Variants in UNC79 observed in about 807,000 individuals in gnomAD.
The protein encoded by UNC79 is protein unc-79 homolog.
UNC79 carries 37 observed loss-of-function variants against 283.1 expected under a neutral mutation model. The observed-to-expected ratio is 0.13, with a 90% CI of 0.10 to 0.17. The LOEUF is 0.17. UNC79 is among the 10% of genes least tolerant of loss of function. The probability of loss-of-function intolerance (pLI) is 1.00; values close to 1 mark genes in which losing one functional copy is unlikely to be tolerated. For missense variants in UNC79, 2,272 were observed against 3,211.1 expected (o/e 0.71, Z 7.07); for synonymous variants, 1,107 against 1,200.2 (o/e 0.92, Z 1.61).
At chr14:93,604,174 A>G (rs1177132763) in intron 26 of UNC79, among the ~76,000 whole-genome samples, 1 of 152,186 alleles carries the variant, frequency 6.6e-6, no homozygotes, top group African/African-American at 2.4e-5. Flanking sequence ...GTTTAAATAT[A>G]TTACTAACTT....
intron 20 of UNC79, among the ~76,000 whole-genome samples, chr14:93,585,515 A>G (rs1019361204): frequency 1.3e-5 from 2 of 152,244 alleles, no homozygotes; most frequent in African/African-American, 4.8e-5. Context: ...TATGACAAGC[A>G]TTTAAAATAC....
intron 1 of UNC79, among the ~76,000 whole-genome samples, chr14:93,456,374 C>T (rs916865907): frequency 6.6e-6 from 1 of 151,854 alleles, no homozygotes; most frequent in Non-Finnish European, 1.5e-5. Flanking sequence ...GCTTTAAATA[C>T]TTAAGCAAGA....
chr14:93,444,295 G>T (rs974307664), intron 1 of UNC79, among the ~76,000 whole-genome samples: 3 of 151,860 alleles, frequency 2.0e-5, no homozygotes, highest in Non-Finnish European at 4.4e-5. Context: ...TGGTTTTTTT[G>T]ATCTTTTGAT....
chr14:93,347,458 G>T, intron 1 of UNC79: 2 of 1,384,910 alleles, frequency 1.4e-6, no homozygotes, highest in Non-Finnish European at 1.9e-6. Flanking sequence ...GCGCCCCGAC[G>T]GGTGGGGAGA....
chr14:93,487,905 C>T (rs2058526598), intron 5 of UNC79, 150 bp downstream of exon 5: 1 of 649,722 alleles, frequency 1.5e-6, no homozygotes, highest in African/African-American at 1.8e-5. Context: ...ATTTATCTTG[C>T]CTATTGCTAT....
At chr14:93,594,180 T>C (rs1319853953) in intron 23 of UNC79, among the ~76,000 whole-genome samples, 1 of 152,190 alleles carries the variant, frequency 6.6e-6, no homozygotes, top group Non-Finnish European at 1.5e-5. Context: ...TTACTGGGAA[T>C]GTTTGTTAAA....
At chr14:93,693,980 C>G (rs1203238258) in intron 46 of UNC79, among the ~76,000 whole-genome samples, 1 of 152,072 alleles carries the variant, frequency 6.6e-6, no homozygotes, top group African/African-American at 2.4e-5. Flanking sequence ...TAGCGTGATA[C>G]AGAACTCTTA....
intron 26 of UNC79, among the ~76,000 whole-genome samples, chr14:93,609,844 G>A (rs2066169017): frequency 6.6e-6 from 1 of 152,140 alleles, no homozygotes; most frequent in East Asian, 1.9e-4. Context: ...TTCAAAGAGA[G>A]GCAATAAACG....
At chr14:93,612,882 G>A (rs778023761) in exon 27 of UNC79, 1 of 1,614,118 alleles carries the variant, frequency 6.2e-7, no homozygotes, top group Non-Finnish European at 8.5e-7. Flanking sequence ...TTCACCAGCT[G>A]ATTACAGTGC....
At chr14:93,603,106 T>C in intron 25 of UNC79, 133 bp from the exon 26 acceptor site, 1 of 1,057,036 alleles carries the variant, frequency 9.5e-7, no homozygotes, top group Admixed American at 2.4e-5. Flanking sequence ...GGACTCATCA[T>C]AGAGGGAGAT....
chr14:93,354,076 G>T (rs999608131), intron 1 of UNC79, among the ~76,000 whole-genome samples: 2 of 152,064 alleles, frequency 1.3e-5, no homozygotes, highest in African/African-American at 2.4e-5. Flanking sequence ...GATGAAGAAT[G>T]GGGGAAAAAA....
chr14:93,684,302 T>A (rs1406757622), intron 42 of UNC79, among the ~76,000 whole-genome samples: 1 of 152,232 alleles, frequency 6.6e-6, no homozygotes, highest in African/African-American at 2.4e-5. Context: ...CCAACCTTGC[T>A]GGAGGGCAGT....
chr14:93,359,854 T>G (rs2054183576), intron 1 of UNC79, among the ~76,000 whole-genome samples: 1 of 152,148 alleles, frequency 6.6e-6, no homozygotes, highest in African/African-American at 2.4e-5. Context: ...TACCAACAAT[T>G]TCTGCTGTTC....
chr14:93,638,752 G>C (rs1186922067), intron 32 of UNC79, among the ~76,000 whole-genome samples: 3 of 152,198 alleles, frequency 2.0e-5, no homozygotes, highest in Non-Finnish European at 4.4e-5. Flanking sequence ...CAACTTGGGG[G>C]TGATAGGGAC....
chr14:93,383,813 T>C (rs1271023696), intron 1 of UNC79, among the ~76,000 whole-genome samples: 1 of 152,160 alleles, frequency 6.6e-6, no homozygotes, highest in Non-Finnish European at 1.5e-5. Flanking sequence ...TGGGAGGTGA[T>C]TGAATTACGG....
intron 48 of UNC79, among the ~76,000 whole-genome samples, chr14:93,706,303 G>T (rs2075876196): frequency 2.0e-5 from 3 of 152,016 alleles, no homozygotes; most frequent in African/African-American, 7.3e-5. Flanking sequence ...AATAAACCTT[G>T]TTCCCAAAGT....
At position 93,344,384 on chromosome 14, in the gene UNC79, T is replaced by C. The variant is rs188349190; in HGVS notation, c.-351+10861T>C. On this transcript the variant is annotated intron_variant, in intron 1 of 49. Transcript: ENST00000256339. ...AAAGCAGGATTTATCATAAAGTATA[T>C]AAAGAGAGGCCCAGAACTCAAGGAG... 2.6e-3 allele frequency among the ~76,000 whole-genome samples: 395 copies of C among 152,334 alleles called. 1 individual carries two copies. Among genetic ancestry groups the C allele is most frequent in the Non-Finnish European group, 4.1e-3 (276 of 68,032 alleles).
intron 7 of UNC79, among the ~76,000 whole-genome samples, chr14:93,500,444 G>A (rs1398518164): frequency 6.6e-6 from 1 of 151,978 alleles, no homozygotes; most frequent in Non-Finnish European, 1.5e-5. Flanking sequence ...GGCATTCTGT[G>A]TAGGAAACAA....
chr14:93,634,707 G>C lies in UNC79; in HGVS notation c.5717-2509G>C, dbSNP rs545621688. Reference sequence around the variant, plus strand: ...ATGCTACTTTCTCTGTGTCCACTCTGCTCCCTTGTTAAAGAATAGATTTTC... The same window carrying C: ...ATGCTACTTTCTCTGTGTCCACTCTCCTCCCTTGTTAAAGAATAGATTTTC... On this transcript the variant is annotated intron_variant, in intron 31 of 48. Coordinates refer to ENST00000555664, the Ensembl canonical transcript of UNC79. The C allele has an allele frequency of 2.2e-6, 3 of 1,341,134 alleles. No individual in the cohort carries two copies. In the South Asian group the frequency reaches 3.6e-5, roughly 16 times the overall value. 83.1% of individuals were successfully genotyped at this position (1,341,134 alleles called of 1,614,324 possible). A position where few individuals can be genotyped will look rare whatever the true frequency, so the allele number is the denominator to read the frequency against.
Sources: allele counts gnomAD v4.1 joint callset (sites outside exome capture counted in the v4.1 genomes callset), GRCh38; gene constraint gnomAD v4.1.1; transcripts MANE v1.5; gene names NCBI Gene and HGNC (gene_info 2026-07-23, HGNC 2026-07-21).